The following DYNC1I1 variants were observed in gnomAD, a reference collection of about 807,000 sequenced individuals.
DYNC1I1 encodes the protein cytoplasmic dynein 1 intermediate chain 1.
In DYNC1I1, 43 loss-of-function variants were observed where a neutral mutation model predicts 86.6. That is an observed-to-expected ratio of 0.50 (90% confidence interval 0.39 to 0.64). DYNC1I1 has a LOEUF of 0.64. Among genes scored for constraint, DYNC1I1 ranks in the 30% least tolerant of loss-of-function variants. The pLI, the probability that DYNC1I1 is intolerant of heterozygous loss-of-function variation, is 0.00. For synonymous variants in DYNC1I1, 262 were observed against 283.7 expected, an observed-to-expected ratio of 0.92 and a Z score of 0.77; for missense variants, 604 against 788.8, an observed-to-expected ratio of 0.77 and a Z score of 2.81.
chr7:96,080,829 TG>T (rs1790494132), intron 16 of DYNC1I1, among the ~76,000 whole-genome samples: 1 of 152,096 alleles, frequency 6.6e-6, no homozygotes, highest in African/African-American at 2.4e-5. Flanking sequence ...CCCAACATTT[TG>T]GGAGGCCGTG....
At chr7:95,837,023 C>T (rs1789114689) in intron 5 of DYNC1I1, among the ~76,000 whole-genome samples, 1 of 152,072 alleles carries the variant, frequency 6.6e-6, no homozygotes, top group African/African-American at 2.4e-5. Flanking sequence ...AACTGCATTC[C>T]TTTGGAGGAG....
At chr7:95,832,654 T>C (rs888382631) in intron 5 of DYNC1I1, among the ~76,000 whole-genome samples, 69 of 152,214 alleles carry the variant, frequency 4.5e-4, no homozygotes, top group South Asian at 1.0e-3. Context: ...TTTTAATGAT[T>C]GCCATTCTAA....
intron 1 of DYNC1I1, among the ~76,000 whole-genome samples, chr7:95,803,282 G>A (rs1026698045): frequency 2.0e-5 from 3 of 152,226 alleles, no homozygotes; most frequent in African/African-American, 7.2e-5. Context: ...CACACTGCAT[G>A]TCCACAAATT....
At chr7:95,860,238 T>C (rs2706856) in intron 5 of DYNC1I1, among the ~76,000 whole-genome samples, 78,205 of 152,030 alleles carry the variant, frequency 0.51, 21,918 homozygotes, top group Non-Finnish European at 0.64. Flanking sequence ...TGATCTGGCA[T>C]AGTGCTTTGC....
At chr7:95,941,874 G>C (rs1393553404) in intron 6 of DYNC1I1, among the ~76,000 whole-genome samples, 1 of 152,198 alleles carries the variant, frequency 6.6e-6, no homozygotes, top group East Asian at 1.9e-4. Context: ...TGGAAATGCA[G>C]AAATCACCCG....
chr7:95,888,731 A>C (rs981318824), intron 6 of DYNC1I1, among the ~76,000 whole-genome samples: 2 of 152,200 alleles, frequency 1.3e-5, no homozygotes, highest in Non-Finnish European at 2.9e-5. Context: ...TTTGCTGCTG[A>C]AATATTTGAG....
At chr7:96,072,851 C>T (rs1413187175) in intron 14 of DYNC1I1, among the ~76,000 whole-genome samples, 2 of 152,164 alleles carry the variant, frequency 1.3e-5, no homozygotes, top group Non-Finnish European at 2.9e-5. Context: ...TTATGATATA[C>T]ATGAGTTTAC....
chr7:95,808,101 G>A (rs1456905243), intron 2 of DYNC1I1, among the ~76,000 whole-genome samples: 1 of 151,990 alleles, frequency 6.6e-6, no homozygotes, highest in Non-Finnish European at 1.5e-5. Context: ...AAATTTCTTT[G>A]GAAACTTCTG....
intron 6 of DYNC1I1, among the ~76,000 whole-genome samples, chr7:95,915,836 CTGTT>C (rs1207496765): frequency 6.6e-6 from 1 of 152,138 alleles, no homozygotes; most frequent in African/African-American, 2.4e-5. Context: ...GATATTTCTT[CTGTT>C]TAAGTTGGGA....
chr7:96,079,441 A>T (rs763224780), intron 15 of DYNC1I1, among the ~76,000 whole-genome samples: 5 of 152,160 alleles, frequency 3.3e-5, no homozygotes, highest in Non-Finnish European at 5.9e-5. Flanking sequence ...CTTTATGTCA[A>T]TTATAAACTT....
At chr7:95,914,330 T>C (rs796305758) in intron 6 of DYNC1I1, among the ~76,000 whole-genome samples, 66 of 152,332 alleles carry the variant, frequency 4.3e-4, no homozygotes, top group African/African-American at 1.5e-3. Flanking sequence ...CCTTTTGTAT[T>C]ATGGTTATTT....
At chr7:95,929,162 G>A (rs751557338) in intron 6 of DYNC1I1, among the ~76,000 whole-genome samples, 2 of 152,058 alleles carry the variant, frequency 1.3e-5, no homozygotes, top group Non-Finnish European at 2.9e-5. Flanking sequence ...AGTATTTTCT[G>A]CTCTTCCATC....
At chr7:95,917,245 G>C (rs1584157637) in intron 6 of DYNC1I1, among the ~76,000 whole-genome samples, 2 of 152,222 alleles carry the variant, frequency 1.3e-5, no homozygotes, top group Non-Finnish European at 2.9e-5. Context: ...CCGTGGCTTC[G>C]GTAGCGAGAA....
intron 6 of DYNC1I1, among the ~76,000 whole-genome samples, chr7:95,874,663 GAGA>G (rs1272531446): frequency 7.4e-5 from 11 of 147,726 alleles, no homozygotes; most frequent in African/African-American, 2.8e-4. Flanking sequence ...GAGAGAGAGA[GAGA>G]TCTTTCTCCC....
chr7:95,995,394 A>G (rs373234290), intron 9 of DYNC1I1, among the ~76,000 whole-genome samples: 6 of 152,304 alleles, frequency 3.9e-5, no homozygotes, highest in African/African-American at 1.4e-4. Context: ...TCATTTTTCT[A>G]TGTGTTACAA....
At chr7:96,100,650 T>TTGTGTGTGTGTGTGTGTG (rs57129262), downstream of DYNC1I1, among the ~76,000 whole-genome samples, 10,571 of 142,710 alleles carry the variant, frequency 0.074, 514 homozygotes, top group East Asian at 0.14. Context: ...TTTGAGGGTT[T>TTGTGTGTGTGTGTGTGTG]TGTGTGTGTG....
chr7:95,935,314 T>C (rs1792010887), intron 6 of DYNC1I1, among the ~76,000 whole-genome samples: 1 of 152,074 alleles, frequency 6.6e-6, no homozygotes, highest in African/African-American at 2.4e-5. Context: ...ATTTTCTTCT[T>C]TTTAAGGCTG....
chr7:96,017,704 A>G (rs537185947), intron 10 of DYNC1I1, among the ~76,000 whole-genome samples: 27 of 152,198 alleles, frequency 1.8e-4, no homozygotes, highest in Non-Finnish European at 3.2e-4. Flanking sequence ...AGCACACAAT[A>G]GTGGCCCTAT....
At chr7:95,993,246 A>G (rs1793774535) in intron 9 of DYNC1I1, among the ~76,000 whole-genome samples, 1 of 152,194 alleles carries the variant, frequency 6.6e-6, no homozygotes, top group South Asian at 2.1e-4. Flanking sequence ...TTTAGGCCTT[A>G]TGATCTCAGT....
Sources: allele counts gnomAD v4.1 joint callset (sites outside exome capture counted in the v4.1 genomes callset), GRCh38; gene constraint gnomAD v4.1.1; transcripts MANE v1.5; gene names NCBI Gene and HGNC (gene_info 2026-07-23, HGNC 2026-07-21).